Variants in MEGF6 observed in about 807,000 individuals in gnomAD.
MEGF6 encodes multiple epidermal growth factor-like domains protein 6.
In MEGF6, 184 loss-of-function variants were observed where a neutral mutation model predicts 207.1. The ratio of observed to expected loss-of-function variants is 0.89; its 90% CI spans 0.79 to 1.00. MEGF6 has a LOEUF of 1.00. Ranked by LOEUF, MEGF6 falls within the 50% of genes least tolerant of loss-of-function variation. The probability of loss-of-function intolerance (pLI) is 0.00; values close to 1 mark genes in which losing one functional copy is unlikely to be tolerated. For synonymous variants in MEGF6, 1,038 were observed against 910.0 expected (o/e 1.14, Z -2.53); for missense variants, 2,282 against 2,202.9 (o/e 1.04, Z -0.72).
chr1:3,523,308 G>A (rs1470547660), intron 5 of MEGF6, among the ~76,000 whole-genome samples: 3 of 152,198 alleles, frequency 2.0e-5, no homozygotes. Flanking sequence ...CCAGGAGCAG[G>A]GGTGCCGAAG....
upstream of MEGF6, among the ~76,000 whole-genome samples, chr1:3,611,998 G>A (rs1348379547): frequency 1.3e-5 from 2 of 152,154 alleles, no homozygotes; most frequent in Non-Finnish European, 2.9e-5. Flanking sequence ...GGGGAAGCCA[G>A]CCTCGGCTTG....
At position 3,595,421 on chromosome 1, in the gene MEGF6, T is replaced by TG. The variant is rs1240702459; in HGVS notation, c.292dup (p.Gln98ProfsTer30). On this transcript the variant is annotated frameshift_variant, in exon 3 of 37. Coordinates refer to ENST00000356575, the MANE Select transcript of MEGF6 (RefSeq NM_001409.4). LOFTEE classifies it high-confidence loss of function. ...GGTCCGGGCCTCCGTGGTATACACC[T>TG]GCCTGTAGCCCATGTAGTAGACGGT... 1 of 1,609,566 alleles carries TG rather than the reference T, an allele frequency of 6.2e-7. No homozygotes were observed. The highest frequency in any genetic ancestry group is 1.1e-5 in the South Asian group (1 of 91,010).
chr1:3,537,287 C>T (rs1037798536), intron 4 of MEGF6, among the ~76,000 whole-genome samples: 4 of 152,234 alleles, frequency 2.6e-5, no homozygotes, highest in African/African-American at 7.2e-5. Flanking sequence ...CAGCACCTGG[C>T]ATGAAACAGG....
rs548437496 is a variant in MEGF6 at position 3,524,013 on chromosome 1, C to T, written c.604+111G>A. The T allele has an allele frequency of 2.9e-5, 38 of 1,294,452 alleles. No individual in the cohort carries two copies. The South Asian group carries it at 5.2e-4, about 18-fold the overall frequency. The allele number at this position is 1,294,452 out of a possible 1,614,324, so 80.2% of individuals were successfully genotyped here. Reference sequence around the variant, plus strand: ...AGGAAGGAGCCACTGCCAGAGCGGCCTCTGCCTCTCCATGTCCACAGCCAC... The same window carrying T: ...AGGAAGGAGCCACTGCCAGAGCGGCTTCTGCCTCTCCATGTCCACAGCCAC... On this transcript the variant is annotated intron_variant, in intron 5 of 36. Coordinates refer to ENST00000356575, the MANE Select transcript of MEGF6 (RefSeq NM_001409.4).
intron 36 of MEGF6, 103 bp from the exon 37 acceptor site, chr1:3,490,692 C>T: frequency 7.9e-7 from 1 of 1,264,252 alleles, no homozygotes; most frequent in South Asian, 1.3e-5. Context: ...CTCCCTTCAG[C>T]AGCTCAGCCC....
chr1:3,546,823 G>A (rs1453871287), intron 4 of MEGF6, among the ~76,000 whole-genome samples: 1 of 148,376 alleles, frequency 6.7e-6, no homozygotes, highest in African/African-American at 2.5e-5. Flanking sequence ...AGGTGGGGTG[G>A]CAGTGGGCTG....
intron 5 of MEGF6, among the ~76,000 whole-genome samples, chr1:3,516,886 C>A (rs1641561109): frequency 1.3e-5 from 2 of 152,158 alleles, no homozygotes; most frequent in Admixed American, 1.3e-4. Context: ...CCCACGTGTC[C>A]CTGGCACGTG....
chr1:3,578,117 C>T (rs1184801090), intron 4 of MEGF6, among the ~76,000 whole-genome samples: 15 of 152,244 alleles, frequency 9.9e-5, no homozygotes, highest in East Asian at 3.9e-4. Flanking sequence ...CCAGAGGACA[C>T]GGCCAGGAAA....
intron 35 of MEGF6, among the ~76,000 whole-genome samples, chr1:3,491,983 T>C (rs916616666): frequency 6.6e-6 from 1 of 151,874 alleles, no homozygotes; most frequent in East Asian, 2.0e-4. Context: ...GCATGCACTA[T>C]TGCGCAGACG....
intron 4 of MEGF6, among the ~76,000 whole-genome samples, chr1:3,537,807 A>G (rs1044545398): frequency 6.6e-5 from 10 of 152,210 alleles, no homozygotes; most frequent in African/African-American, 2.4e-4. Flanking sequence ...ACTGGAAGGT[A>G]AGGGCGTGTC....
rs1190925323 is a variant in MEGF6, at chr1:3,565,119, C to T, written c.481+14706G>A. On this transcript the variant is annotated intron_variant, in intron 4 of 36. Transcript: ENST00000356575. This position sits in a 1 kb window ranked among gnomAD's most constrained non-coding sequence, Gnocchi z 4.8. ...GGGCCTGGCACGCAGTGGGGTCCGG[C>T]GATGGACGCATGAATGAAGCCCCCT... 2.0e-5 allele frequency among the ~76,000 whole-genome samples: 3 copies of T among 152,004 alleles called. No individual in the cohort carries two copies. The highest frequency in any genetic ancestry group is 1.9e-4 in the East Asian group (1 of 5,162).
chr1:3,519,166 C>T (rs1002692914), intron 5 of MEGF6, among the ~76,000 whole-genome samples: 9 of 152,222 alleles, frequency 5.9e-5, no homozygotes, highest in Admixed American at 2.6e-4. Flanking sequence ...AGGCCCCCAC[C>T]CCTGGCCAGG....
intron 5 of MEGF6, 25 bp downstream of exon 5, chr1:3,524,099 G>A: frequency 6.2e-7 from 1 of 1,607,368 alleles, no homozygotes; most frequent in Non-Finnish European, 8.5e-7. Flanking sequence ...CAGGAGCCCA[G>A]GCAGGGTCTC....
At chr1:3,493,048 C>G (rs114789946) in intron 34 of MEGF6, 1 of 476,186 alleles carries the variant, frequency 2.1e-6, no homozygotes, top group East Asian at 3.4e-5. Context: ...TGCCCCGCCC[C>G]AGGAGGGCAA....
At chr1:3,580,465 C>G (rs1643768420) in intron 3 of MEGF6, among the ~76,000 whole-genome samples, 1 of 152,204 alleles carries the variant, frequency 6.6e-6, no homozygotes, top group Non-Finnish European at 1.5e-5. Flanking sequence ...CAAGTGTTGA[C>G]AGCGGCTGCC....
intron 4 of MEGF6, among the ~76,000 whole-genome samples, chr1:3,541,925 C>T (rs935980571): frequency 1.3e-5 from 2 of 152,222 alleles, no homozygotes; most frequent in African/African-American, 2.4e-5. Context: ...ACAGAGCCCA[C>T]CCGCGTCCCA....
At position 3,505,192 on chromosome 1, in the gene MEGF6, G is replaced by A; in HGVS notation, c.2188+16C>T. On this transcript the variant is annotated intron_variant, in intron 17 of 36. Coordinates refer to ENST00000356575, the MANE Select transcript of MEGF6 (RefSeq NM_001409.4). Reference sequence around the variant, plus strand: ...CACAATGAGACTGCCGGGAGCCCCAGGGGCCGGCCACTCACCTTGGCCACA... The same window carrying A: ...CACAATGAGACTGCCGGGAGCCCCAAGGGCCGGCCACTCACCTTGGCCACA... 6.2e-7 allele frequency: 1 copy of A among 1,610,026 alleles called. No homozygotes were observed. The highest frequency in any genetic ancestry group is 2.2e-5 in the East Asian group (1 of 44,870).
At chr1:3,538,696 C>CTGTGCGTGTG (rs1553198675) in intron 4 of MEGF6, among the ~76,000 whole-genome samples, 1 of 132,030 alleles carries the variant, frequency 7.6e-6, no homozygotes, top group African/African-American at 3.0e-5. Context: ...GAGCATGTGC[C>CTGTGCGTGTG]TGTGTGTGTG....
At chr1:3,521,566 G>A (rs900094223) in intron 5 of MEGF6, among the ~76,000 whole-genome samples, 5 of 152,128 alleles carry the variant, frequency 3.3e-5, no homozygotes, top group Admixed American at 2.0e-4. Context: ...GGCTTGAGAC[G>A]GTGAGGCACC....
Sources: gnomAD v4.1 joint callset for allele counts (sites outside exome capture counted in the v4.1 genomes callset) on GRCh38, gnomAD v4.1.1 for gene constraint, Gnocchi (gnomAD v3.1) non-coding constraint, MANE v1.5 for transcripts, NCBI Gene and HGNC (gene_info 2026-07-23, HGNC 2026-07-21) for gene names.